The following MICAL3 variants were observed in gnomAD, a reference collection of about 807,000 sequenced individuals.
The protein encoded by MICAL3 is [F-actin]-monooxygenase MICAL3.
A neutral mutation model predicts 207.4 loss-of-function variants in MICAL3; 62 were observed. The observed-to-expected ratio is 0.30, with a 90% CI of 0.24 to 0.37. The LOEUF (loss-of-function observed/expected upper bound fraction) is 0.37, where lower values mean the gene tolerates loss of function less well. Among genes scored for constraint, MICAL3 ranks in the 10% least tolerant of loss-of-function variants. The pLI is 1.00. For missense variants in MICAL3, 2,368 were observed against 2,635.6 expected, an observed-to-expected ratio of 0.90 and a Z score of 2.22; for synonymous variants, 1,077 against 1,069.3, an observed-to-expected ratio of 1.01 and a Z score of -0.14.
chr22:17,820,797 C>T (rs146856572), intron 25 of MICAL3, among the ~76,000 whole-genome samples: 5,211 of 147,508 alleles, frequency 0.035, 162 homozygotes, highest in African/African-American at 0.084. Context: ...TGTTTTATAC[C>T]ATTTATCATA....
chr22:17,888,420 T>A (rs1930113964), intron 13 of MICAL3, among the ~76,000 whole-genome samples: 1 of 138,290 alleles, frequency 7.2e-6, no homozygotes, highest in Non-Finnish European at 1.5e-5. Flanking sequence ...TGGGAAGTGC[T>A]AACAAGTAGG....
At position 17,902,301 on chromosome 22, in the gene MICAL3, C is replaced by T. The variant is rs1399606084; in HGVS notation, c.590-322G>A. Among the ~76,000 whole-genome samples the T allele has an allele frequency of 3.9e-5, 6 of 152,178 alleles. No homozygotes were observed. The highest frequency in any genetic ancestry group is 5.9e-5 in the Non-Finnish European group (4 of 68,040). On this transcript the variant is annotated intron_variant, in intron 4 of 31. Coordinates refer to ENST00000441493, the MANE Select transcript of MICAL3 (RefSeq NM_015241.3). The surrounding 1 kb of genome is among the most constrained non-coding windows in gnomAD (Gnocchi z 4.5). ...TAATCCCAGCTACTCTGGAGACCTA[C>T]GCAGGAGAATTGCTCAGAGGTCACA... is the stretch of plus-strand genomic sequence containing the variant.
intron 1 of MICAL3, among the ~76,000 whole-genome samples, chr22:17,922,174 T>G (rs182287161): frequency 7.4e-6 from 1 of 135,368 alleles, no homozygotes; most frequent in Non-Finnish European, 1.5e-5. Flanking sequence ...CCTTCAACAC[T>G]CCTCACTTGC....
intron 1 of MICAL3, among the ~76,000 whole-genome samples, chr22:17,980,057 G>A (rs578084838): frequency 6.6e-6 from 1 of 152,270 alleles, no homozygotes; most frequent in African/African-American, 2.4e-5. Context: ...TGGAACTGCT[G>A]GGCTCAAGTG....
intron 16 of MICAL3, chr22:17,876,811 G>GGGAGGTTAGGGAGGTTATGGAGGTTAT (rs1928484408): frequency 2.5e-5 from 1 of 40,606 alleles, no homozygotes; most frequent in Non-Finnish European, 5.5e-5. Flanking sequence ...ATGGAGGTTA[G>GGGAGGTTAGGGAGGTTATGGAGGTTAT]GGAGGTTAGG....
At chr22:17,933,899 T>C (rs906345104) in intron 1 of MICAL3, among the ~76,000 whole-genome samples, 2 of 152,160 alleles carry the variant, frequency 1.3e-5, no homozygotes, top group South Asian at 2.1e-4. Context: ...CCTGGACACA[T>C]ACACTCTCTC....
intron 1 of MICAL3, among the ~76,000 whole-genome samples, chr22:17,985,266 C>T (rs1936102377): frequency 1.3e-5 from 2 of 152,062 alleles, no homozygotes; most frequent in South Asian, 2.1e-4. Flanking sequence ...AATGCCCGAG[C>T]GTGCTGCGTG....
intron 16 of MICAL3, chr22:17,875,654 T>A: frequency 6.4e-6 from 3 of 470,122 alleles, no homozygotes; most frequent in Non-Finnish European, 1.1e-5. Context: ...CCTTTTACTC[T>A]AGACCTTTAT....
At chr22:17,885,554 G>C (rs191491609) in intron 16 of MICAL3, among the ~76,000 whole-genome samples, 28 of 152,264 alleles carry the variant, frequency 1.8e-4, no homozygotes, top group Non-Finnish European at 3.1e-4. Flanking sequence ...ATTTTCCTCA[G>C]TAAGTGTGTA....
At chr22:17,866,124 AAGCCACCC>A (rs1927081577) in intron 17 of MICAL3, 112 bp from the exon 18 acceptor site, 1 of 794,950 alleles carries the variant, frequency 1.3e-6, no homozygotes, top group East Asian at 2.6e-5. Context: ...CAAGGCCATC[AAGCCACCC>A]AGCCTTCCCT....
At chr22:17,953,390 G>T (rs1356077050) in intron 1 of MICAL3, among the ~76,000 whole-genome samples, 1 of 152,138 alleles carries the variant, frequency 6.6e-6, no homozygotes, top group Non-Finnish European at 1.5e-5. Context: ...GGGCAGTGGG[G>T]GTGGGCAATG....
chr22:17,951,518 A>G (rs8135939), intron 1 of MICAL3, among the ~76,000 whole-genome samples: 32,613 of 151,198 alleles, frequency 0.22, 3,709 homozygotes, highest in Middle Eastern at 0.28. Context: ...TCGCCAAAGG[A>G]AAAACTCAGG....
intron 19 of MICAL3, chr22:17,842,227 G>A: frequency 1.7e-6 from 1 of 595,950 alleles, no homozygotes; most frequent in African/African-American, 1.9e-5. Flanking sequence ...GGCCCTGTCT[G>A]CCCTCCAGGT....
rs993991946 is a variant in MICAL3, at chr22:17,921,907, C to T, written c.-74-15021G>A. Among the ~76,000 whole-genome samples the T allele has an allele frequency of 2.6e-5, 4 of 152,256 alleles. No individual in the cohort carries two copies. In the East Asian group the frequency reaches 5.8e-4, roughly 22 times the overall value. ...CTGACACTAGGAAACAATCCAAACC[C>T]TCAGCAAGGCCCAAAAAGCTGACTT... On this transcript the variant is annotated intron_variant, in intron 1 of 31. Coordinates refer to ENST00000441493, the MANE Select transcript of MICAL3 (RefSeq NM_015241.3).
At chr22:17,856,842 C>T (rs906671304) in intron 19 of MICAL3, among the ~76,000 whole-genome samples, 5 of 151,830 alleles carry the variant, frequency 3.3e-5, no homozygotes, top group East Asian at 1.9e-4. Context: ...AGGATGGTCT[C>T]GATCTCCTGA....
chr22:17,863,936 G>T, intron 19 of MICAL3: 1 of 985,364 alleles, frequency 1.0e-6, no homozygotes, highest in Non-Finnish European at 1.2e-6. Context: ...CATGTGTTTT[G>T]AACAAGAGGA....
rs1362438007 is a variant in MICAL3 at position 17,808,852 on chromosome 22, C to T, written c.5642G>A (p.Gly1881Asp). 4 of 1,552,688 alleles carry T rather than the reference C, an allele frequency of 2.6e-6. No homozygotes were observed. Among genetic ancestry groups the T allele is most frequent in the Non-Finnish European group, 3.5e-6 (4 of 1,147,868 alleles). Residue 1881 changes from glycine (G) to aspartate (D), a missense_variant, in exon 29 of 32, where the codon GGC (glycine) becomes GAC (aspartate). Gly to Asp is a moderately conservative substitution (Grantham distance 94). This residue lies in a region of MICAL3 where 1,770 missense variants were observed against 1,863.2 expected (regional missense o/e 0.95). Transcript: ENST00000441493. ...AGGGAGCCCGGCAGTACCTGCTTCGCCCCGGAGCGCCTTCTCCACAGCCAC... is the reference window on the plus strand; with the variant it reads ...AGGGAGCCCGGCAGTACCTGCTTCGTCCCGGAGCGCCTTCTCCACAGCCAC... ...RGVAVEKALR[G>D]EAGMGKKDDP...
intron 22 of MICAL3, among the ~76,000 whole-genome samples, chr22:17,823,696 G>A (rs147743506): frequency 1.2e-4 from 19 of 152,252 alleles, no homozygotes; most frequent in African/African-American, 3.9e-4. Context: ...AATACATTTC[G>A]TGTTTAGACT....
intron 3 of MICAL3, among the ~76,000 whole-genome samples, chr22:17,903,933 T>C (rs973515956): frequency 1.8e-4 from 28 of 152,246 alleles, no homozygotes; most frequent in African/African-American, 6.5e-4. Context: ...TAACGCACAC[T>C]GTCTGTTCTG....
Sources: allele counts gnomAD v4.1 joint callset (sites outside exome capture counted in the v4.1 genomes callset), GRCh38; gene constraint gnomAD v4.1.1; regional missense constraint gnomAD v4.1.1; non-coding constraint Gnocchi (gnomAD v3.1); transcripts MANE v1.5; gene names NCBI Gene and HGNC (gene_info 2026-07-23, HGNC 2026-07-21).